The following PLXNA2 variants were observed in gnomAD, a reference collection of about 807,000 sequenced individuals.
PLXNA2 encodes the protein plexin A2, also known as plexin-A2.
In PLXNA2, 91 loss-of-function variants were observed where a neutral mutation model predicts 193.5. The observed-to-expected ratio is 0.47, with a 90% confidence interval of 0.40 to 0.56. The LOEUF (loss-of-function observed/expected upper bound fraction) is 0.56. Ranked by LOEUF, PLXNA2 falls within the 20% of genes least tolerant of loss-of-function variation. The pLI, the probability that PLXNA2 is intolerant of heterozygous loss-of-function variation, is 0.00. For synonymous variants in PLXNA2, 997 were observed against 1,027.3 expected (o/e 0.97, Z 0.56); for missense variants, 1,995 against 2,503.2 (o/e 0.80, Z 4.33).
chr1:208,153,180 A>G (rs1441608090), intron 3 of PLXNA2, among the ~76,000 whole-genome samples: 2 of 152,154 alleles, frequency 1.3e-5, no homozygotes, highest in African/African-American at 2.4e-5. Flanking sequence ...CATGGCTCAC[A>G]TTGACTGAAC....
chr1:208,052,200 T>C (rs998298492), intron 15 of PLXNA2, 127 bp downstream of exon 15: 2 of 859,514 alleles, frequency 2.3e-6, no homozygotes, highest in Admixed American at 2.3e-5. Context: ...GTATGGTATT[T>C]GGGTCTAGGT....
chr1:208,158,020 T>C (rs1668992365), intron 3 of PLXNA2, among the ~76,000 whole-genome samples: 1 of 152,128 alleles, frequency 6.6e-6, no homozygotes, highest in African/African-American at 2.4e-5. Flanking sequence ...CACCGTGTGC[T>C]GTGAAACCAG....
chr1:208,055,066 A>G (rs1357892806), intron 13 of PLXNA2, among the ~76,000 whole-genome samples: 1 of 152,180 alleles, frequency 6.6e-6, no homozygotes, highest in East Asian at 1.9e-4. Context: ...GTGAGAGCTC[A>G]GAGAAGGAGC....
At chr1:208,118,558 G>C (rs1667710942) in intron 4 of PLXNA2, among the ~76,000 whole-genome samples, 1 of 152,172 alleles carries the variant, frequency 6.6e-6, no homozygotes, top group Non-Finnish European at 1.5e-5. Flanking sequence ...GCAATCAACG[G>C]GGATTAGCAC....
chr1:208,243,346 C>A (rs1299940108), intron 1 of PLXNA2, among the ~76,000 whole-genome samples: 2 of 152,078 alleles, frequency 1.3e-5, no homozygotes, highest in Non-Finnish European at 2.9e-5. Flanking sequence ...GGAGGCGCGC[C>A]GCGGAGCGCT....
rs567426643 is a variant in PLXNA2 at position 208,103,232 on chromosome 1, C to T, written c.1522G>A (p.Val508Met). 8 of 1,613,634 alleles carry T rather than the reference C, an allele frequency of 5.0e-6. No homozygotes were observed. The highest frequency in any genetic ancestry group is 2.7e-5 in the African/African-American group (2 of 75,036). ...MSERQVTRVP[V>M]ESCEQYTTCG... ...GTCGTATACTGCTCACATGACTCCACGGGGACCCTGGTGACCTGGCAGAGA... is the reference window on the plus strand; with the variant it reads ...GTCGTATACTGCTCACATGACTCCATGGGGACCCTGGTGACCTGGCAGAGA... The change falls in exon 5 of 32, where the codon GTG becomes ATG. Residue 508 changes from valine (V) to methionine (M), a missense_variant. This residue lies in a region of PLXNA2 where 702 missense variants were observed against 812.9 expected (regional missense o/e 0.86). Coordinates refer to ENST00000367033, the MANE Select transcript of PLXNA2 (RefSeq NM_025179.4).
intron 12 of PLXNA2, among the ~76,000 whole-genome samples, chr1:208,078,937 A>G (rs1423907445): frequency 1.3e-5 from 2 of 152,150 alleles, no homozygotes; most frequent in Admixed American, 6.5e-5. Context: ...TTCACCCACC[A>G]TGGAGCCAAT....
rs79986166 is a variant in PLXNA2 at position 208,113,492 on chromosome 1, G to A, written c.1507-10245C>T. 2.7e-5 allele frequency among the ~76,000 whole-genome samples: 4 copies of A among 150,808 alleles called. No individual in the cohort carries two copies. The East Asian group carries it at 5.9e-4, about 22-fold the overall frequency. ...ACTTCCCTTGCCTTCCAGTCTCCAA[G>A]AGAGCATGAAAGAAGGGTTTGGAAT... On this transcript the variant is annotated intron_variant, in intron 4 of 31. Transcript: ENST00000367033.
intron 3 of PLXNA2, among the ~76,000 whole-genome samples, chr1:208,192,904 GAAA>G (rs928464634): frequency 8.6e-5 from 2 of 23,334 alleles, no homozygotes; most frequent in Non-Finnish European, 1.9e-4. Context: ...AAAAGAAAAA[GAAA>G]AAAAAAAAAA....
intron 1 of PLXNA2, among the ~76,000 whole-genome samples, chr1:208,231,579 G>A (rs1456982893): frequency 6.6e-6 from 1 of 152,170 alleles, no homozygotes; most frequent in Non-Finnish European, 1.5e-5. Context: ...TTCTTCTGAT[G>A]TTTGGTTCTG....
chr1:208,186,386 G>A (rs954862540), intron 3 of PLXNA2, among the ~76,000 whole-genome samples: 1 of 152,102 alleles, frequency 6.6e-6, no homozygotes, highest in Non-Finnish European at 1.5e-5. Context: ...AATCAACAGA[G>A]AAATGTACAA....
chr1:208,216,213 T>C (rs1671125191), intron 2 of PLXNA2, among the ~76,000 whole-genome samples: 1 of 152,190 alleles, frequency 6.6e-6, no homozygotes, highest in African/African-American at 2.4e-5. Flanking sequence ...CCTCACCCTT[T>C]CTCTCTCTGG....
At chr1:208,094,094 C>CT (rs895130763) in intron 8 of PLXNA2, among the ~76,000 whole-genome samples, 1 of 152,188 alleles carries the variant, frequency 6.6e-6, no homozygotes, top group Non-Finnish European at 1.5e-5. Context: ...ATTGCCCAGA[C>CT]TTTTTTAGTT....
In PLXNA2 at chr1:208,042,128, T is replaced by C; in HGVS notation, c.4256A>G (p.Asn1419Ser). 1 of 1,614,172 alleles carries C rather than the reference T, an allele frequency of 6.2e-7. No homozygotes were observed. The highest frequency in any genetic ancestry group is 8.5e-7 in the Non-Finnish European group (1 of 1,180,020). Residue 1419 changes from asparagine (N) to serine (S), a missense_variant, in exon 22 of 32, where the codon AAC becomes AGC. Asn to Ser is a conservative substitution (Grantham distance 46, BLOSUM62 1). This residue lies in a region of PLXNA2 where 1,291 missense variants were observed against 1,673.6 expected (regional missense o/e 0.77). Coordinates refer to ENST00000367033, the MANE Select transcript of PLXNA2 (RefSeq NM_025179.4). ...LSDLIDKNLE[N>S]KNHPKLLLRR... is the part of the protein sequence containing the mutation. ...GAGTAGCAGCTTGGGGTGGTTCTTG[T>C]TCTCCAGGTTCTTATCGATGAGGTC...
At chr1:208,215,546 G>T (rs369894115) in intron 2 of PLXNA2, among the ~76,000 whole-genome samples, 1 of 133,806 alleles carries the variant, frequency 7.5e-6, no homozygotes, top group Admixed American at 8.0e-5. Context: ...AAGGGATGGA[G>T]GAAGGGATGG....
intron 4 of PLXNA2, among the ~76,000 whole-genome samples, chr1:208,128,369 A>C (rs1469787442): frequency 6.6e-6 from 1 of 152,202 alleles, no homozygotes; most frequent in African/African-American, 2.4e-5. Context: ...GGGAGAAAAC[A>C]CAGGGCTTAG....
At chr1:208,095,107 G>A (rs1666838282) in intron 8 of PLXNA2, among the ~76,000 whole-genome samples, 1 of 152,166 alleles carries the variant, frequency 6.6e-6, no homozygotes, top group Admixed American at 6.5e-5. Context: ...ATATGGAGCT[G>A]TTGATTGACC....
intron 4 of PLXNA2, among the ~76,000 whole-genome samples, chr1:208,133,730 T>C (rs565659069): frequency 1.8e-4 from 27 of 152,378 alleles, no homozygotes; most frequent in African/African-American, 6.3e-4. Context: ...GTGTTCACTC[T>C]TGTCTGTGCT....
Position 208,082,479 on chromosome 1 carries a change from A to C in PLXNA2, c.2328T>G (p.Asn776Lys). The part of the protein sequence containing the change: ...SYQYDGMDIS[N>K]LAVDFAVVWN... ...ACACCACAGCGAAATCCACGGCCAG[A>C]TTGCTGATGTCCATGCCATCATACT... The change falls in exon 11 of 32, where the codon AAT becomes AAG. Residue 776 changes from asparagine to lysine, a missense_variant. Transcript: ENST00000367033. The surrounding 1 kb of genome is among the most constrained non-coding windows in gnomAD (Gnocchi z 4.2). The C allele has an allele frequency of 1.2e-6, 2 of 1,614,046 alleles. No homozygotes were observed. The highest frequency in any genetic ancestry group is 1.7e-6 in the Non-Finnish European group (2 of 1,179,960).
Sources: gnomAD v4.1 joint callset for allele counts (sites outside exome capture counted in the v4.1 genomes callset) on GRCh38, gnomAD v4.1.1 for gene constraint, gnomAD v4.1.1 regional missense constraint, Gnocchi (gnomAD v3.1) non-coding constraint, MANE v1.5 for transcripts, NCBI Gene and HGNC (gene_info 2026-07-23, HGNC 2026-07-21) for gene names.